The following PPP1R9A variants were observed in gnomAD, a reference collection of about 807,000 sequenced individuals.
PPP1R9A encodes protein phosphatase 1 regulatory subunit 9A, also known as neurabin-1.
A neutral mutation model predicts 141.9 loss-of-function variants in PPP1R9A; 59 were observed. The observed-to-expected ratio is 0.42, with a 90% CI of 0.34 to 0.52. The LOEUF (loss-of-function observed/expected upper bound fraction) is 0.52. Ranked by LOEUF, PPP1R9A falls within the 20% of genes least tolerant of loss-of-function variation. The pLI, the probability that PPP1R9A is intolerant of heterozygous loss-of-function variation, is 0.10. For synonymous variants in PPP1R9A, 500 were observed against 569.7 expected, an observed-to-expected ratio of 0.88 and a Z score of 1.74; for missense variants, 1,444 against 1,611.9, an observed-to-expected ratio of 0.90 and a Z score of 1.78.
chr7:95,072,388 GA>G, intron 2 of PPP1R9A, among the ~76,000 whole-genome samples: 1 of 142,828 alleles, frequency 7.0e-6, no homozygotes. Context: ...ATATCAAGGG[GA>G]AAAAGAGGAG....
intron 2 of PPP1R9A, among the ~76,000 whole-genome samples, chr7:95,061,411 A>G (rs530704968): frequency 1.3e-5 from 2 of 152,336 alleles, no homozygotes; most frequent in South Asian, 4.1e-4. Context: ...TCTTTACAAT[A>G]TAACTTGTTA....
At chr7:95,209,643 A>G (rs1045596909) in intron 7 of PPP1R9A, among the ~76,000 whole-genome samples, 1 of 152,194 alleles carries the variant, frequency 6.6e-6, no homozygotes, top group Non-Finnish European at 1.5e-5. Flanking sequence ...TCTATGTAAT[A>G]CCATAATCCA....
intron 2 of PPP1R9A, among the ~76,000 whole-genome samples, chr7:94,941,497 C>G (rs1795326978): frequency 6.6e-6 from 1 of 151,946 alleles, no homozygotes; most frequent in Non-Finnish European, 1.5e-5. Context: ...TCATTGTACT[C>G]TTTTTAAGAA....
At chr7:95,087,648 G>T (rs544727701) in intron 2 of PPP1R9A, among the ~76,000 whole-genome samples, 6 of 152,140 alleles carry the variant, frequency 3.9e-5, no homozygotes, top group Non-Finnish European at 7.4e-5. Context: ...TTTAATCCCA[G>T]CACTTTGGGA....
chr7:94,909,040 A>G (rs1261673677), intron 1 of PPP1R9A, among the ~76,000 whole-genome samples: 1 of 152,242 alleles, frequency 6.6e-6, no homozygotes, highest in East Asian at 1.9e-4. Flanking sequence ...TTGCTGGCTT[A>G]TTGATATAAA....
intron 2 of PPP1R9A, among the ~76,000 whole-genome samples, chr7:94,980,296 G>A (rs1303477314): frequency 6.6e-6 from 1 of 152,126 alleles, no homozygotes; most frequent in African/African-American, 2.4e-5. Context: ...GTGGGCCACA[G>A]GTTGGACAAG....
intron 2 of PPP1R9A, among the ~76,000 whole-genome samples, chr7:95,107,384 A>T (rs1265832035): frequency 6.6e-6 from 1 of 152,008 alleles, no homozygotes; most frequent in Admixed American, 6.6e-5. Flanking sequence ...TATTGCCTAG[A>T]AGTTTTTGGG....
chr7:95,255,122 TA>T (rs1289564300), intron 12 of PPP1R9A, among the ~76,000 whole-genome samples: 1 of 152,126 alleles, frequency 6.6e-6, no homozygotes, highest in African/African-American at 2.4e-5. Context: ...GGAAAAATGA[TA>T]ATTATGCCCT....
At chr7:94,965,161 GTTGT>G (rs1043120255) in intron 2 of PPP1R9A, among the ~76,000 whole-genome samples, 2 of 151,772 alleles carry the variant, frequency 1.3e-5, no homozygotes, top group Admixed American at 6.6e-5. Context: ...TCTTGGTGGG[GTTGT>G]TTGTTTTTTT....
chr7:95,292,956 A>C lies in PPP1R9A; in HGVS notation c.*2653A>C. ...AATGCTAGTGGTTTTCAGTGTCCTT[A>C]CAATTTAACACAGAATTGTTATTTC... On this transcript the variant is annotated 3_prime_UTR_variant, in exon 20 of 20. Coordinates refer to ENST00000433360, the MANE Select transcript of PPP1R9A (RefSeq NM_001166160.2). The C allele has an allele frequency of 6.6e-6, 1 of 152,218 alleles. No individual in the cohort carries two copies. Among genetic ancestry groups the C allele is most frequent in the East Asian group, 1.9e-4 (1 of 5,202 alleles). 9.4% of individuals were successfully genotyped at this position (152,218 alleles called of 1,614,324 possible). A position where few individuals can be genotyped will look rare whatever the true frequency, so the allele number is the denominator to read the frequency against.
chr7:95,190,726 C>G (rs1393904070), intron 5 of PPP1R9A, among the ~76,000 whole-genome samples: 1 of 152,186 alleles, frequency 6.6e-6, no homozygotes, highest in Admixed American at 6.5e-5. Context: ...CAGTGGCTTG[C>G]CACTTCTTTC....
intron 2 of PPP1R9A, among the ~76,000 whole-genome samples, chr7:94,945,985 A>G (rs750252471): frequency 2.1e-4 from 32 of 152,244 alleles, no homozygotes; most frequent in African/African-American, 7.5e-4. Context: ...AAAATTACAC[A>G]TGAAAATGAA....
At chr7:94,969,262 T>G (rs1158929106) in intron 2 of PPP1R9A, among the ~76,000 whole-genome samples, 1 of 152,148 alleles carries the variant, frequency 6.6e-6, no homozygotes, top group Non-Finnish European at 1.5e-5. Context: ...TTTGTGCTGG[T>G]TTTTCCTCAT....
At position 95,251,387 on chromosome 7, in the gene PPP1R9A, A is replaced by G. The variant is rs145070250; in HGVS notation, c.2397-375A>G. On this transcript the variant is annotated intron_variant, in intron 10 of 19. Transcript: ENST00000433360. The stretch of plus-strand genomic sequence containing the variant: ...CTTTTTCGAACTCTTATCTAGTTAC[A>G]TCAGTTTACTATACTATGCTTATGA... 2.2e-4 allele frequency among the ~76,000 whole-genome samples: 34 copies of G among 152,246 alleles called. No individual in the cohort carries two copies. In the East Asian group the frequency reaches 6.2e-3, roughly 28 times the overall value.
chr7:95,058,158 T>G (rs1291137666), intron 2 of PPP1R9A, among the ~76,000 whole-genome samples: 2 of 152,190 alleles, frequency 1.3e-5, no homozygotes, highest in East Asian at 3.9e-4. Flanking sequence ...CCTTTGTAGA[T>G]TGACCTCCCA....
chr7:94,916,890 C>A (rs1792140469), intron 2 of PPP1R9A, among the ~76,000 whole-genome samples: 1 of 152,140 alleles, frequency 6.6e-6, no homozygotes, highest in African/African-American at 2.4e-5. Flanking sequence ...TCTCAGCTCA[C>A]TGAAACCTCC....
chr7:95,007,563 T>C lies in PPP1R9A; in HGVS notation c.1395+96055T>C, dbSNP rs116608672. 5.2e-3 allele frequency among the ~76,000 whole-genome samples: 792 copies of C among 152,310 alleles called. 7 individuals are homozygous for C. Among genetic ancestry groups the C allele is most frequent in the African/African-American group, 0.018 (741 of 41,570 alleles). On this transcript the variant is annotated intron_variant, in intron 2 of 19. Coordinates refer to ENST00000433360, the MANE Select transcript of PPP1R9A (RefSeq NM_001166160.2). Reference sequence around the variant, plus strand: ...TAAGAACCCAGTAATTTTTACTTAATTGAAATAGTAACTTTATTTTAAGGC... The same window carrying C: ...TAAGAACCCAGTAATTTTTACTTAACTGAAATAGTAACTTTATTTTAAGGC...
At chr7:94,909,783 A>G (rs11971338) in intron 1 of PPP1R9A, 115 bp from the exon 2 acceptor site, 2,446 of 176,028 alleles carry the variant, frequency 0.014, 53 homozygotes, top group African/African-American at 0.055. Context: ...TCAATGAGTA[A>G]TCTCTTCTGT....
chr7:95,281,729 T>C (rs1426169057), intron 16 of PPP1R9A, among the ~76,000 whole-genome samples: 1 of 152,224 alleles, frequency 6.6e-6, no homozygotes, highest in Admixed American at 6.5e-5. Context: ...TAGTGATTGT[T>C]CTAAAAGCAT....
Sources: gnomAD v4.1 joint callset for allele counts (sites outside exome capture counted in the v4.1 genomes callset) on GRCh38, gnomAD v4.1.1 for gene constraint, MANE v1.5 for transcripts, NCBI Gene and HGNC (gene_info 2026-07-23, HGNC 2026-07-21) for gene names.